The following CNTNAP2 variants were observed in gnomAD, a reference collection of about 807,000 sequenced individuals.
CNTNAP2 encodes the protein contactin associated protein 2, also known as contactin-associated protein-like 2.
Under a neutral mutation model 155.2 loss-of-function variants are expected in CNTNAP2, and 98 were observed. The ratio of observed to expected loss-of-function variants is 0.63; its 90% CI spans 0.54 to 0.75. CNTNAP2 has a LOEUF of 0.75. Among genes scored for constraint, CNTNAP2 ranks in the 30% least tolerant of loss-of-function variants. The pLI, the probability that CNTNAP2 is intolerant of heterozygous loss-of-function variation, is 0.00. For missense variants in CNTNAP2, 1,727 were observed against 1,688.1 expected (o/e 1.02, Z -0.40); for synonymous variants, 651 against 631.2 (o/e 1.03, Z -0.47).
chr7:147,285,032 T>G, intron 8 of CNTNAP2, among the ~76,000 whole-genome samples: 1 of 151,880 alleles, frequency 6.6e-6, no homozygotes. Flanking sequence ...GAATAAAAGT[T>G]AAAGATTATC....
chr7:148,387,481 C>T (rs1799238556), intron 22 of CNTNAP2, among the ~76,000 whole-genome samples: 1 of 152,114 alleles, frequency 6.6e-6, no homozygotes, highest in African/African-American at 2.4e-5. Context: ...CTCGTGAGTC[C>T]TGGCTTGACT....
At chr7:146,279,429 A>AAC (rs60178387) in intron 1 of CNTNAP2, among the ~76,000 whole-genome samples, 19,678 of 144,534 alleles carry the variant, frequency 0.14, 1,296 homozygotes, top group Non-Finnish European at 0.14. Flanking sequence ...CATTTCCTTA[A>AAC]ACACACACAC....
chr7:147,431,419 C>A (rs1797464665), intron 10 of CNTNAP2, among the ~76,000 whole-genome samples: 1 of 152,258 alleles, frequency 6.6e-6, no homozygotes, highest in Admixed American at 6.5e-5. Context: ...AGCTTCAAAC[C>A]AAATCACTGC....
chr7:146,984,157 C>T (rs191011657), intron 3 of CNTNAP2, among the ~76,000 whole-genome samples: 38 of 152,020 alleles, frequency 2.5e-4, no homozygotes, highest in Admixed American at 1.6e-3. Context: ...CAACTGAGGT[C>T]GGGAGTTCGA....
chr7:146,550,429 T>TTTTC (rs1445469941), intron 1 of CNTNAP2, among the ~76,000 whole-genome samples: 1 of 136,300 alleles, frequency 7.3e-6, no homozygotes, highest in Non-Finnish European at 1.6e-5. Context: ...TTTTTTTTTT[T>TTTTC]ATAAAGTACC....
intron 1 of CNTNAP2, among the ~76,000 whole-genome samples, chr7:146,267,248 T>G (rs1050255013): frequency 6.6e-6 from 1 of 152,126 alleles, no homozygotes; most frequent in Non-Finnish European, 1.5e-5. Context: ...GTGAGATATA[T>G]TCATATAGCA....
chr7:147,753,229 G>T (rs549982555), intron 13 of CNTNAP2, among the ~76,000 whole-genome samples: 1 of 152,294 alleles, frequency 6.6e-6, no homozygotes, highest in East Asian at 1.9e-4. Context: ...ACAAGGGCAG[G>T]CTCCTTGGAA....
At chr7:147,615,080 C>T (rs1318013561) in intron 12 of CNTNAP2, among the ~76,000 whole-genome samples, 1 of 139,728 alleles carries the variant, frequency 7.2e-6, no homozygotes, top group African/African-American at 2.7e-5. Context: ...TAGGGAGACA[C>T]CCATCTTTAT....
Position 146,291,676 on chromosome 7 carries a change from T to C in CNTNAP2, c.97+174703T>C, listed in dbSNP as rs546077517. 7.9e-5 allele frequency among the ~76,000 whole-genome samples: 12 copies of C among 152,270 alleles called. No individual in the cohort carries two copies. The East Asian group carries it at 2.1e-3, about 27-fold the overall frequency. On this transcript the variant is annotated intron_variant, in intron 1 of 23. Transcript: ENST00000361727. ...AATGAGTAACAGCAGAAAGAATAGA[T>C]TTAAAAAATTAAAATTATTTTCTCA...
At chr7:146,489,704 G>A (rs1797110615) in intron 1 of CNTNAP2, among the ~76,000 whole-genome samples, 1 of 152,112 alleles carries the variant, frequency 6.6e-6, no homozygotes, top group South Asian at 2.1e-4. Flanking sequence ...GAAGAATGAG[G>A]ATATGCTGAC....
intron 8 of CNTNAP2, among the ~76,000 whole-genome samples, chr7:147,253,870 A>G (rs201570731): frequency 1.3e-5 from 2 of 152,172 alleles, no homozygotes; most frequent in East Asian, 1.9e-4. Flanking sequence ...CTGACATAGT[A>G]TCTTATTGGC....
intron 4 of CNTNAP2, among the ~76,000 whole-genome samples, chr7:147,102,403 G>C (rs1040976472): frequency 8.6e-5 from 13 of 152,046 alleles, no homozygotes; most frequent in African/African-American, 2.4e-5. Context: ...GGTAGAGTGA[G>C]ATGTGCCTGT....
At chr7:146,598,349 A>T (rs1208825430) in intron 1 of CNTNAP2, among the ~76,000 whole-genome samples, 1 of 152,130 alleles carries the variant, frequency 6.6e-6, no homozygotes, top group Non-Finnish European at 1.5e-5. Flanking sequence ...TCTCGATCTG[A>T]CAGGCTAGTT....
intron 1 of CNTNAP2, among the ~76,000 whole-genome samples, chr7:146,621,499 A>G (rs1799316300): frequency 6.6e-6 from 1 of 152,158 alleles, no homozygotes; most frequent in African/African-American, 2.4e-5. Flanking sequence ...CTCAGACTTT[A>G]CTTACTTATA....
At chr7:146,303,835 T>G (rs1395013048) in intron 1 of CNTNAP2, among the ~76,000 whole-genome samples, 1 of 152,122 alleles carries the variant, frequency 6.6e-6, no homozygotes, top group Non-Finnish European at 1.5e-5. Flanking sequence ...TAACTTTCTG[T>G]CTCGTTGATC....
chr7:147,748,099 TA>T (rs1797074667), intron 13 of CNTNAP2, among the ~76,000 whole-genome samples: 1 of 152,244 alleles, frequency 6.6e-6, no homozygotes, highest in South Asian at 2.1e-4. Context: ...CACTCTCATT[TA>T]TCTTGCAGAG....
At chr7:146,454,024 A>G (rs1489530787) in intron 1 of CNTNAP2, among the ~76,000 whole-genome samples, 5 of 151,870 alleles carry the variant, frequency 3.3e-5, no homozygotes, top group African/African-American at 9.7e-5. Flanking sequence ...GAAAATTTTC[A>G]AAAAAAATAG....
chr7:148,040,431 T>C (rs529792140), intron 15 of CNTNAP2, among the ~76,000 whole-genome samples: 22 of 152,278 alleles, frequency 1.4e-4, no homozygotes, highest in Non-Finnish European at 2.9e-4. Flanking sequence ...CACGTTGACT[T>C]AATTGCTCTG....
chr7:146,244,272 C>T (rs1323445187), intron 1 of CNTNAP2, among the ~76,000 whole-genome samples: 1 of 152,112 alleles, frequency 6.6e-6, no homozygotes, highest in East Asian at 1.9e-4. Context: ...GAGGTATCAG[C>T]TTTGATGACT....
Sources: allele counts gnomAD v4.1 joint callset (sites outside exome capture counted in the v4.1 genomes callset), GRCh38; gene constraint gnomAD v4.1.1; transcripts MANE v1.5; gene names NCBI Gene and HGNC (gene_info 2026-07-23, HGNC 2026-07-21).